JARID2: variants seen among roughly 807,000 people sequenced by gnomAD.
JARID2 encodes protein Jumonji.
Under a neutral mutation model 125.6 loss-of-function variants are expected in JARID2, and 21 were observed. That is an observed-to-expected ratio of 0.17 (90% CI 0.12 to 0.24). JARID2 has a LOEUF of 0.24. JARID2 is among the 10% of genes least tolerant of loss of function. JARID2 has a pLI of 1.00. For synonymous variants in JARID2, 736 were observed against 661.6 expected, an observed-to-expected ratio of 1.11 and a Z score of -1.73; for missense variants, 1,303 against 1,639.6, an observed-to-expected ratio of 0.79 and a Z score of 3.55.
At chr6:15,476,673 T>C (rs956068009) in intron 5 of JARID2, among the ~76,000 whole-genome samples, 1 of 152,242 alleles carries the variant, frequency 6.6e-6, no homozygotes, top group Non-Finnish European at 1.5e-5. Flanking sequence ...TAACAATGCT[T>C]CCAGCAACTT....
Position 15,381,537 on chromosome 6 carries a change from A to G in JARID2, c.181+7285A>G, listed in dbSNP as rs370377107. Among the ~76,000 whole-genome samples the G allele has an allele frequency of 2.1e-3, 325 of 152,244 alleles. 3 individuals are homozygous for G. The highest frequency in any genetic ancestry group is 7.5e-3 in the African/African-American group (313 of 41,532). On this transcript the variant is annotated intron_variant, in intron 2 of 17. Transcript: ENST00000341776. Reference sequence around the variant, plus strand: ...CCCCTGATGTGAGGACACACTCTGCATGAAAGAAAGCTGGGTGAAATGAAG... The same window carrying G: ...CCCCTGATGTGAGGACACACTCTGCGTGAAAGAAAGCTGGGTGAAATGAAG...
intron 3 of JARID2, among the ~76,000 whole-genome samples, chr6:15,425,641 T>G (rs1766693421): frequency 6.6e-6 from 1 of 152,228 alleles, no homozygotes; most frequent in Non-Finnish European, 1.5e-5. Context: ...CCTTCTACTC[T>G]ACTATGTTAG....
At chr6:15,409,562 C>T (rs1765791447) in intron 2 of JARID2, among the ~76,000 whole-genome samples, 1 of 152,118 alleles carries the variant, frequency 6.6e-6, no homozygotes, top group African/African-American at 2.4e-5. Flanking sequence ...TTTTTAGAGC[C>T]CCCAAGGGCC....
chr6:15,511,469 C>T (rs985064160), intron 13 of JARID2, 68 bp downstream of exon 13: 1 of 1,058,132 alleles, frequency 9.5e-7, no homozygotes. Flanking sequence ...ACATGGTTTC[C>T]CATGAACCCG....
intron 3 of JARID2, among the ~76,000 whole-genome samples, chr6:15,421,562 T>C (rs1766490855): frequency 1.3e-5 from 2 of 152,340 alleles, no homozygotes; most frequent in South Asian, 2.1e-4. Flanking sequence ...TCTTTGAAGC[T>C]ATGTAATCTG....
chr6:15,513,176 C>A, intron 15 of JARID2, 63 bp from the exon 16 acceptor site: 1 of 1,563,862 alleles, frequency 6.4e-7, no homozygotes, highest in South Asian at 1.2e-5. Context: ...TGCGTGTGTC[C>A]CCTCTGCTGG....
At chr6:15,371,325 G>T (rs1008057292) in intron 1 of JARID2, among the ~76,000 whole-genome samples, 1 of 152,106 alleles carries the variant, frequency 6.6e-6, no homozygotes, top group African/African-American at 2.4e-5. Flanking sequence ...GCTATTTTGG[G>T]GCCTTATAAT....
chr6:15,395,265 T>G (rs755346741), intron 2 of JARID2, among the ~76,000 whole-genome samples: 2 of 152,170 alleles, frequency 1.3e-5, no homozygotes, highest in Non-Finnish European at 2.9e-5. Flanking sequence ...CTCTTCAGTT[T>G]TGACCTATCA....
At chr6:15,359,778 C>T (rs1382920136) in intron 1 of JARID2, among the ~76,000 whole-genome samples, 2 of 151,600 alleles carry the variant, frequency 1.3e-5, no homozygotes, top group Non-Finnish European at 2.9e-5. Context: ...TCTCTGCCTC[C>T]TGGGTTCGAG....
chr6:15,411,439 G>T (rs1765871509), intron 3 of JARID2, among the ~76,000 whole-genome samples: 1 of 152,148 alleles, frequency 6.6e-6, no homozygotes, highest in African/African-American at 2.4e-5. Context: ...TAAATACATT[G>T]AATCTGTATT....
chr6:15,464,300 C>T (rs1768602939), intron 4 of JARID2, among the ~76,000 whole-genome samples: 1 of 152,178 alleles, frequency 6.6e-6, no homozygotes, highest in Non-Finnish European at 1.5e-5. Context: ...ACAGCAACCA[C>T]GTGGTGACAG....
intron 1 of JARID2, among the ~76,000 whole-genome samples, chr6:15,346,275 G>T (rs781207139): frequency 6.6e-6 from 1 of 152,164 alleles, no homozygotes; most frequent in Non-Finnish European, 1.5e-5. Context: ...CTTATAGCAG[G>T]TGTTAGAAAC....
rs35433395 is a variant in JARID2, at chr6:15,300,683, TTGTGTGTGTGTGTGTGTGTG to T, written c.45+54120_45+54139del. Among the ~76,000 whole-genome samples the T allele has an allele frequency of 2.6e-5, 3 of 114,490 alleles. No homozygotes were observed. In the East Asian group the frequency reaches 8.6e-4, roughly 33 times the overall value. 75.1% of individuals were successfully genotyped at this position (114,490 alleles called of 152,430 possible). ...TTTGCAAAGACCCAGTGTCCTCATG[TTGTGTGTGTGTGTGTGTGTG>T]TGTGTGTGTGTGTGTGTGTGAGAGA... is the stretch of plus-strand genomic sequence containing the variant. On this transcript the variant is annotated intron_variant, in intron 1 of 17. Coordinates refer to ENST00000341776, the MANE Select transcript of JARID2 (RefSeq NM_004973.4).
At position 15,501,388 on chromosome 6, in the gene JARID2, C is replaced by T. The variant is rs772232241; in HGVS notation, c.2427C>T (p.Asp809=). Residue 809 remains aspartate, a synonymous_variant, in exon 8 of 18, where the codon GAC becomes GAT. Coordinates refer to ENST00000341776, the MANE Select transcript of JARID2 (RefSeq NM_004973.4). ...EEEEDKGVLN[D]FHKCIYKGRS... ...AGGAGGACAAAGGCGTCCTCAATGA[C>T]TTCCACAAGTGCATCTATAAGGTAG... 23 of 1,549,812 alleles carry T rather than the reference C, an allele frequency of 1.5e-5. No individual in the cohort carries two copies. The highest frequency in any genetic ancestry group is 2.0e-5 in the Non-Finnish European group (23 of 1,148,628).
chr6:15,490,021 G>A (rs1180405359), intron 6 of JARID2, among the ~76,000 whole-genome samples: 3 of 152,140 alleles, frequency 2.0e-5, no homozygotes, highest in Admixed American at 6.5e-5. Flanking sequence ...TTATTCCTTT[G>A]GAGCCAGTCT....
intron 5 of JARID2, among the ~76,000 whole-genome samples, chr6:15,469,339 GTCTCTCTCTCTC>G (rs146456388): frequency 7.0e-5 from 1 of 14,232 alleles, no homozygotes; most frequent in Non-Finnish European, 1.1e-4. Context: ...TCTCTCTCCT[GTCTCTCTCTCTC>G]TCTCTCTCTC....
chr6:15,504,983 A>G (rs1041445009), intron 9 of JARID2, among the ~76,000 whole-genome samples: 1 of 151,968 alleles, frequency 6.6e-6, no homozygotes, highest in African/African-American at 2.4e-5. Flanking sequence ...CTTCTCTTCT[A>G]TTTTTTATTT....
intron 4 of JARID2, among the ~76,000 whole-genome samples, chr6:15,456,962 G>A (rs998599369): frequency 2.1e-5 from 3 of 143,224 alleles, no homozygotes; most frequent in African/African-American, 5.1e-5. Context: ...AAAGAAGTAG[G>A]CAAAAGAATG....
At chr6:15,448,955 A>AT (rs963095585) in intron 3 of JARID2, among the ~76,000 whole-genome samples, 1 of 151,254 alleles carries the variant, frequency 6.6e-6, no homozygotes, top group Non-Finnish European at 1.5e-5. Context: ...CCCTTGTTCT[A>AT]TTTTTTTATG....
Sources: gnomAD v4.1 joint callset for allele counts (sites outside exome capture counted in the v4.1 genomes callset) on GRCh38, gnomAD v4.1.1 for gene constraint, MANE v1.5 for transcripts, NCBI Gene and HGNC (gene_info 2026-07-23, HGNC 2026-07-21) for gene names.